Variants in CELSR1 observed in about 807,000 individuals in gnomAD.
CELSR1 encodes cadherin EGF LAG seven-pass G-type receptor 1.
In CELSR1, 110 loss-of-function variants were observed where a neutral mutation model predicts 249.1. That is an observed-to-expected ratio of 0.44 (90% CI 0.38 to 0.52). CELSR1 has a LOEUF of 0.52. Ranked by LOEUF, CELSR1 falls within the 20% of genes least tolerant of loss-of-function variation. CELSR1 has a pLI of 0.00. For synonymous variants in CELSR1, 2,113 were observed against 1,900.0 expected, an observed-to-expected ratio of 1.11 and a Z score of -2.92; for missense variants, 4,109 against 4,296.4, an observed-to-expected ratio of 0.96 and a Z score of 1.22.
Position 46,409,147 on chromosome 22 carries a change from T to TG in CELSR1, c.5074dup (p.Gln1692ProfsTer6). The TG allele has an allele frequency of 6.2e-7, 1 of 1,612,952 alleles. No individual in the cohort carries two copies. Among genetic ancestry groups the TG allele is most frequent in the Non-Finnish European group, 8.5e-7 (1 of 1,179,608 alleles). On this transcript the variant is annotated frameshift_variant, in exon 9 of 35. Transcript: ENST00000674500. LOFTEE classifies it high-confidence loss of function. This position sits in a 1 kb window ranked among gnomAD's most constrained non-coding sequence, Gnocchi z 9.8. The stretch of plus-strand genomic sequence containing the variant: ...CACGACGCTCTCACCGCTGAAGAGC[T>TG]GGGGGTGAGGCATGGCTGCGGACAC...
rs141760005 is a variant in CELSR1, at chr22:46,441,898, C to T, written c.4184-2487G>A. Among the ~76,000 whole-genome samples the T allele has an allele frequency of 3.0e-3, 456 of 152,292 alleles. 3 individuals carry two copies. The highest frequency in any genetic ancestry group is 0.011 in the African/African-American group (441 of 41,566). On this transcript the variant is annotated intron_variant, in intron 2 of 34. Transcript: ENST00000674500. The surrounding 1 kb of genome is among the most constrained non-coding windows in gnomAD (Gnocchi z 6.1). ...TCACGGTGGCTCACGCCTGTAACCC[C>T]AGCACTTGGGGAGGCTGAGGCGGGT...
chr22:46,512,594 C>T lies in CELSR1; in HGVS notation c.3544+21033G>A, dbSNP rs2080584995. On this transcript the variant is annotated intron_variant, in intron 1 of 34. Coordinates refer to ENST00000674500, the MANE Select transcript of CELSR1 (RefSeq NM_001378328.1). The surrounding 1 kb of genome is among the most constrained non-coding windows in gnomAD (Gnocchi z 5.2). Reference sequence around the variant, plus strand: ...CTCAACAACAACAAAAAATCAAGGCCCAATACTATGCATTGCCTTGACATC... The same window carrying T: ...CTCAACAACAACAAAAAATCAAGGCTCAATACTATGCATTGCCTTGACATC... 6.6e-6 allele frequency among the ~76,000 whole-genome samples: 1 copy of T among 151,988 alleles called. No individual in the cohort carries two copies. The highest frequency in any genetic ancestry group is 1.5e-5 in the Non-Finnish European group (1 of 67,980).
intron 1 of CELSR1, among the ~76,000 whole-genome samples, chr22:46,515,105 T>A (rs1289196034): frequency 2.1e-5 from 3 of 141,336 alleles, no homozygotes; most frequent in Non-Finnish European, 4.6e-5. Flanking sequence ...TGGACCCCCC[T>A]CAGCGTCCCA....
At chr22:46,460,562 A>G (rs917695673) in intron 2 of CELSR1, among the ~76,000 whole-genome samples, 2 of 152,096 alleles carry the variant, frequency 1.3e-5, no homozygotes, top group African/African-American at 4.8e-5. Context: ...CAACAAACAC[A>G]ACTACGATGT....
chr22:46,408,299 GA>G lies in CELSR1; in HGVS notation c.5226+696del, dbSNP rs1327589673. On this transcript the variant is annotated intron_variant, in intron 9 of 34. Transcript: ENST00000674500. This position sits in a 1 kb window ranked among gnomAD's most constrained non-coding sequence, Gnocchi z 4.6. ...TGGGCTGAGGCATCTCAAGCTCCCA[GA>G]GAAAGTGGACGTGCATTGGTGCCAA... is the stretch of plus-strand genomic sequence containing the variant. Among the ~76,000 whole-genome samples the G allele has an allele frequency of 6.6e-6, 1 of 152,240 alleles. No individual in the cohort carries two copies. Among genetic ancestry groups the G allele is most frequent in the African/African-American group, 2.4e-5 (1 of 41,470 alleles).
chr22:46,382,370 C>T (rs1031620908), intron 20 of CELSR1, among the ~76,000 whole-genome samples: 11 of 152,060 alleles, frequency 7.2e-5, no homozygotes, highest in Non-Finnish European at 1.0e-4. Flanking sequence ...CTCCGCCTCC[C>T]GGGTTCACGC....
intron 1 of CELSR1, among the ~76,000 whole-genome samples, chr22:46,486,922 T>A (rs2337031): frequency 0.29 from 44,808 of 151,942 alleles, 8,157 homozygotes; most frequent in East Asian, 0.56. Context: ...CAGGCCCATA[T>A]TCCCCCACCT....
At chr22:46,443,941 A>G (rs2079786016) in intron 2 of CELSR1, among the ~76,000 whole-genome samples, 1 of 152,246 alleles carries the variant, frequency 6.6e-6, no homozygotes, top group Non-Finnish European at 1.5e-5. Context: ...GGCCAAGCAC[A>G]GCACACTCTG....
At position 46,517,951 on chromosome 22, in the gene CELSR1, A is replaced by G. The variant is rs1025950296; in HGVS notation, c.3544+15676T>C. Among the ~76,000 whole-genome samples the G allele has an allele frequency of 1.4e-5, 2 of 146,748 alleles. No homozygotes were observed. The highest frequency in any genetic ancestry group is 4.0e-4 in the East Asian group (2 of 4,948). On this transcript the variant is annotated intron_variant, in intron 1 of 34. Transcript: ENST00000674500. The surrounding 1 kb of genome is among the most constrained non-coding windows in gnomAD (Gnocchi z 5.4). Reference sequence around the variant, plus strand: ...GAGTTTCACTTTTGTTGCCCAGGCCAGAGTGCAATGGCAGGATTTTGGCTC... The same window carrying G: ...GAGTTTCACTTTTGTTGCCCAGGCCGGAGTGCAATGGCAGGATTTTGGCTC...
In CELSR1 at chr22:46,427,404, G is replaced by A. The variant is rs2079548534; in HGVS notation, c.4611+5989C>T. On this transcript the variant is annotated intron_variant, in intron 5 of 34. Coordinates refer to ENST00000674500, the MANE Select transcript of CELSR1 (RefSeq NM_001378328.1). This position sits in a 1 kb window ranked among gnomAD's most constrained non-coding sequence, Gnocchi z 4.2. ...GTACAAAAATTAACCGGGTGTGGTGGCGCGCACCTGTAAACCCAGCTACTC... is the reference window on the plus strand; with the variant it reads ...GTACAAAAATTAACCGGGTGTGGTGACGCGCACCTGTAAACCCAGCTACTC... Among the ~76,000 whole-genome samples the A allele has an allele frequency of 6.6e-6, 1 of 152,208 alleles. No homozygotes were observed. The highest frequency in any genetic ancestry group is 6.5e-5 in the Admixed American group (1 of 15,276).
At chr22:46,370,527 A>C (rs7291580) in intron 25 of CELSR1, among the ~76,000 whole-genome samples, 15,099 of 152,128 alleles carry the variant, frequency 0.099, 2,463 homozygotes, top group African/African-American at 0.34. Flanking sequence ...TCCCAGCCAC[A>C]GTGTGACAAA....
chr22:46,367,826 A>G lies in CELSR1; in HGVS notation c.7982T>C (p.Leu2661Pro). The change falls in exon 28 of 35, where the codon CTG becomes CCG. Residue 2661 changes from leucine (L) to proline (P), a missense_variant. By Grantham distance (98) the Leu-to-Pro change is moderately conservative (BLOSUM62 -3). Transcript: ENST00000674500. ...CAGCCAGGTGGCGCTGATGAGCAGC[A>G]GCAGGAGGAATGCGGTCCTCAGCAG... ...VSLLRTAFLL[L>P]LLISATWLLG... 1 of 1,611,626 alleles carries G rather than the reference A, an allele frequency of 6.2e-7. No individual in the cohort carries two copies. The highest frequency in any genetic ancestry group is 8.5e-7 in the Non-Finnish European group (1 of 1,179,756).
At position 46,398,493 on chromosome 22, in the gene CELSR1, C is replaced by G. The variant is rs373334257; in HGVS notation, c.5526+31G>C. The stretch of plus-strand genomic sequence containing the variant: ...CTCGGAGCTGCCTGTGAGGGGCAGG[C>G]CTCCCCCCGCCCCCCACAACCCCCA... On this transcript the variant is annotated intron_variant, in intron 11 of 34. Coordinates refer to ENST00000674500, the MANE Select transcript of CELSR1 (RefSeq NM_001378328.1). The surrounding 1 kb of genome is among the most constrained non-coding windows in gnomAD (Gnocchi z 7.2). 1.3e-6 allele frequency: 2 copies of G among 1,493,796 alleles called. No individual in the cohort carries two copies. Among genetic ancestry groups the G allele is most frequent in the Non-Finnish European group, 1.8e-6 (2 of 1,087,284 alleles). The allele number at this position is 1,493,796 out of a possible 1,614,324, so 92.5% of individuals were successfully genotyped here.
At chr22:46,486,547 CA>C (rs200966660) in intron 1 of CELSR1, among the ~76,000 whole-genome samples, 4 of 144,258 alleles carry the variant, frequency 2.8e-5, no homozygotes, top group Non-Finnish European at 1.5e-5. Context: ...GACTCTGTCT[CA>C]AAAAAAAATA....
chr22:46,373,029 A>C lies in CELSR1; in HGVS notation c.7613T>G (p.Leu2538Arg). ...AAAGGTGCTCATGTAGATGTAGTGG[A>C]GGAGGATGGCAACCACTGTGCACAG... ...PFLCTVVAILLHYIYMSTFAW... is the reference protein window; with the variant it reads ...PFLCTVVAILRHYIYMSTFAW... The change falls in exon 25 of 35, where the codon CTC becomes CGC. Residue 2538 changes from leucine to arginine, a missense_variant. Leu to Arg is a moderately radical substitution (Grantham distance 102, BLOSUM62 -2). This residue lies in a region of CELSR1 where 1,805 missense variants were observed against 1,831.6 expected (regional missense o/e 0.99). Transcript: ENST00000674500. 6.2e-7 allele frequency: 1 copy of C among 1,611,100 alleles called. No homozygotes were observed. The highest frequency in any genetic ancestry group is 1.1e-5 in the South Asian group (1 of 90,752).
chr22:46,426,060 T>G (rs1448664221), intron 5 of CELSR1, among the ~76,000 whole-genome samples: 3 of 124,030 alleles, frequency 2.4e-5, no homozygotes, highest in African/African-American at 1.1e-4. Context: ...CACGTCTCTA[T>G]GCAGACCCAT....
At chr22:46,443,238 C>T (rs942122844) in intron 2 of CELSR1, among the ~76,000 whole-genome samples, 1 of 152,238 alleles carries the variant, frequency 6.6e-6, no homozygotes, top group African/African-American at 2.4e-5. Flanking sequence ...GCCTCCACGC[C>T]AGTAACCCCG....
rs2079181798 is a variant in CELSR1, at chr22:46,398,952, G to A, written c.5413-315C>T. On this transcript the variant is annotated intron_variant, in intron 10 of 34. Coordinates refer to ENST00000674500, the MANE Select transcript of CELSR1 (RefSeq NM_001378328.1). This position sits in a 1 kb window ranked among gnomAD's most constrained non-coding sequence, Gnocchi z 7.2. Reference sequence around the variant, plus strand: ...ACACTAAACCAGCCACGCTGTGACAGAGAGCTTGGCGAGTCAGGAAGACTG... The same window carrying A: ...ACACTAAACCAGCCACGCTGTGACAAAGAGCTTGGCGAGTCAGGAAGACTG... Among the ~76,000 whole-genome samples, 1 of 152,248 alleles carries A rather than the reference G, an allele frequency of 6.6e-6. No individual in the cohort carries two copies. Among genetic ancestry groups the A allele is most frequent in the Non-Finnish European group, 1.5e-5 (1 of 68,044 alleles).
At chr22:46,521,715 G>T (rs1265728977) in intron 1 of CELSR1, among the ~76,000 whole-genome samples, 1 of 151,814 alleles carries the variant, frequency 6.6e-6, no homozygotes, top group Non-Finnish European at 1.5e-5. Flanking sequence ...TACTGGGGAG[G>T]CTGAGGCAGG....
Sources: allele counts gnomAD v4.1 joint callset (sites outside exome capture counted in the v4.1 genomes callset), GRCh38; gene constraint gnomAD v4.1.1; regional missense constraint gnomAD v4.1.1; non-coding constraint Gnocchi (gnomAD v3.1); transcripts MANE v1.5; gene names NCBI Gene and HGNC (gene_info 2026-07-23, HGNC 2026-07-21).